Variants in GRM5 observed in about 807,000 individuals in gnomAD.
GRM5 encodes the protein metabotropic glutamate receptor 5.
A neutral mutation model predicts 83.1 loss-of-function variants in GRM5; 19 were observed. That is an observed-to-expected ratio of 0.23 (90% CI 0.16 to 0.34). The LOEUF (loss-of-function observed/expected upper bound fraction) is 0.34, where lower values mean the gene tolerates loss of function less well. Among genes scored for constraint, GRM5 ranks in the 10% least tolerant of loss-of-function variants. The pLI, the probability that GRM5 is intolerant of heterozygous loss-of-function variation, is 1.00. For missense variants in GRM5, 1,160 were observed against 1,588.3 expected (o/e 0.73, Z 4.58); for synonymous variants, 675 against 633.6 (o/e 1.07, Z -0.98).
chr11:88,969,290 A>G (rs1939091732), intron 2 of GRM5, among the ~76,000 whole-genome samples: 1 of 152,098 alleles, frequency 6.6e-6, no homozygotes, highest in Non-Finnish European at 1.5e-5. Flanking sequence ...AGATGCAAGT[A>G]TCCAAGCATG....
intron 1 of GRM5, among the ~76,000 whole-genome samples, chr11:89,062,475 C>A (rs1942015158): frequency 6.6e-6 from 1 of 152,182 alleles, no homozygotes; most frequent in Non-Finnish European, 1.5e-5. Context: ...AAACTCTGAA[C>A]AATAAAATCC....
At chr11:88,613,193 C>T (rs1938376190) in intron 4 of GRM5, among the ~76,000 whole-genome samples, 1 of 152,086 alleles carries the variant, frequency 6.6e-6, no homozygotes, top group African/African-American at 2.4e-5. Context: ...ATGGATTGTT[C>T]TGTAGATGTG....
chr11:88,520,848 C>T (rs1056322264), intron 9 of GRM5, among the ~76,000 whole-genome samples: 5 of 152,102 alleles, frequency 3.3e-5, no homozygotes, highest in Non-Finnish European at 7.4e-5. Context: ...AACATATGTA[C>T]CTACTAAAAT....
At chr11:88,773,102 C>T (rs1426097543) in intron 3 of GRM5, among the ~76,000 whole-genome samples, 1 of 152,208 alleles carries the variant, frequency 6.6e-6, no homozygotes, top group African/African-American at 2.4e-5. Context: ...CACATCCTCT[C>T]CAGCACCTGT....
Position 89,063,483 on chromosome 11 carries a change from C to T in GRM5, c.-201+2293G>A, listed in dbSNP as rs1340478454. On this transcript the variant is annotated intron_variant, in intron 1 of 9. Transcript: ENST00000305447. ...ACACAGACACTTAGCAAGCTTACCC[C>T]CCTGTTGGCTGCGCTGCGAGCAGTG... The T allele has an allele frequency of 3.3e-5, 5 of 152,708 alleles. No homozygotes were observed. In the South Asian group the frequency reaches 8.3e-4, roughly 25 times the overall value. The allele number at this position is 152,708 out of a possible 1,614,324, so 9.5% of individuals were successfully genotyped here. A position where few individuals can be genotyped will look rare whatever the true frequency, so the allele number is the denominator to read the frequency against.
chr11:88,787,884 G>A (rs1036221808), intron 3 of GRM5, among the ~76,000 whole-genome samples: 1 of 152,276 alleles, frequency 6.6e-6, no homozygotes, highest in East Asian at 1.9e-4. Flanking sequence ...TGTTAAGTTT[G>A]AAAGGCTTAT....
In GRM5 at chr11:88,562,812, C is replaced by T. The variant is rs375482795; in HGVS notation, c.2630+4241G>A. Among the ~76,000 whole-genome samples, 14 of 152,270 alleles carry T rather than the reference C, an allele frequency of 9.2e-5. No individual in the cohort carries two copies. In the East Asian group the frequency reaches 2.3e-3, roughly 25 times the overall value. On this transcript the variant is annotated intron_variant, in intron 8 of 9. Transcript: ENST00000305447. ...TAGAGATGGAAGAGGCTAAATGTCA[C>T]TTTCCCATATTCTCTTATATTAGAC...
intron 3 of GRM5, among the ~76,000 whole-genome samples, chr11:88,812,324 T>C (rs1304091567): frequency 1.3e-5 from 2 of 152,044 alleles, no homozygotes; most frequent in African/African-American, 4.8e-5. Context: ...GCAAAAACCA[T>C]ATTTGTGAGA....
At chr11:88,902,557 G>A (rs1264644342) in intron 2 of GRM5, among the ~76,000 whole-genome samples, 4 of 152,106 alleles carry the variant, frequency 2.6e-5, no homozygotes, top group African/African-American at 7.2e-5. Context: ...TCTAAGACCT[G>A]GAAGGGTAGC....
chr11:89,046,224 C>T (rs1479383141), intron 2 of GRM5, among the ~76,000 whole-genome samples: 1 of 152,108 alleles, frequency 6.6e-6, no homozygotes, highest in Non-Finnish European at 1.5e-5. Context: ...GGGTTAGTAA[C>T]TTAATTCCAC....
intron 3 of GRM5, among the ~76,000 whole-genome samples, chr11:88,833,480 A>G (rs1944035340): frequency 2.0e-5 from 3 of 152,178 alleles, no homozygotes; most frequent in Non-Finnish European, 4.4e-5. Flanking sequence ...GACAAAAAAT[A>G]AAAGATGCTG....
intron 3 of GRM5, among the ~76,000 whole-genome samples, chr11:88,733,734 A>G (rs1240456034): frequency 1.3e-5 from 2 of 152,084 alleles, no homozygotes; most frequent in African/African-American, 4.8e-5. Flanking sequence ...TATGTTATAC[A>G]ATAGCAGATA....
intron 2 of GRM5, among the ~76,000 whole-genome samples, chr11:88,871,566 A>C (rs1278629829): frequency 6.6e-6 from 1 of 151,640 alleles, no homozygotes; most frequent in East Asian, 1.9e-4. Flanking sequence ...ACTTGAGTGC[A>C]AAGTTTGGAT....
intron 9 of GRM5, among the ~76,000 whole-genome samples, chr11:88,516,305 C>T (rs1316780552): frequency 2.0e-5 from 3 of 152,168 alleles, no homozygotes; most frequent in South Asian, 2.1e-4. Flanking sequence ...AAATCTGATG[C>T]TAAATCCAGA....
chr11:88,782,033 A>G (rs1942985073), intron 3 of GRM5, among the ~76,000 whole-genome samples: 1 of 152,050 alleles, frequency 6.6e-6, no homozygotes, highest in African/African-American at 2.4e-5. Flanking sequence ...TAAAATTATA[A>G]TTTTTATTAT....
intron 2 of GRM5, among the ~76,000 whole-genome samples, chr11:88,937,694 G>GA (rs1342030920): frequency 4.5e-4 from 69 of 151,754 alleles, no homozygotes; most frequent in African/African-American, 1.6e-3. Context: ...ATACAGTAGA[G>GA]GATCTTTTAT....
At chr11:88,990,430 G>A (rs1376637713) in intron 2 of GRM5, among the ~76,000 whole-genome samples, 1 of 151,052 alleles carries the variant, frequency 6.6e-6, no homozygotes, top group Non-Finnish European at 1.5e-5. Context: ...TTCTACCAGA[G>A]GTACAAGGAG....
intron 8 of GRM5, among the ~76,000 whole-genome samples, chr11:88,528,991 G>A (rs1021909699): frequency 6.6e-5 from 10 of 151,984 alleles, no homozygotes; most frequent in Non-Finnish European, 1.0e-4. Context: ...ATATTACTAC[G>A]TTTAAAAACA....
intron 2 of GRM5, among the ~76,000 whole-genome samples, chr11:89,021,801 C>G (rs1177214949): frequency 6.6e-6 from 1 of 152,148 alleles, no homozygotes; most frequent in East Asian, 1.9e-4. Context: ...TAACGTCTTC[C>G]TCACAATGTT....
Sources: gnomAD v4.1 joint callset for allele counts (sites outside exome capture counted in the v4.1 genomes callset) on GRCh38, gnomAD v4.1.1 for gene constraint, MANE v1.5 for transcripts, NCBI Gene and HGNC (gene_info 2026-07-23, HGNC 2026-07-21) for gene names.